EPHA6: variants seen among roughly 807,000 people sequenced by gnomAD.
EPHA6 encodes the protein EPH receptor A6, also known as ephrin type-A receptor 6.
Under a neutral mutation model 112.0 loss-of-function variants are expected in EPHA6, and 50 were observed. The observed-to-expected ratio is 0.45, with a 90% confidence interval of 0.36 to 0.56. The LOEUF (loss-of-function observed/expected upper bound fraction) is 0.56, where lower values mean the gene tolerates loss of function less well. EPHA6 is among the 20% of genes least tolerant of loss of function. The pLI, the probability that EPHA6 is intolerant of heterozygous loss-of-function variation, is 0.00. For synonymous variants in EPHA6, 529 were observed against 490.7 expected, an observed-to-expected ratio of 1.08 and a Z score of -1.03; for missense variants, 1,280 against 1,417.4, an observed-to-expected ratio of 0.90 and a Z score of 1.56.
At chr3:97,682,801 A>G (rs2031964093) in intron 14 of EPHA6, among the ~76,000 whole-genome samples, 1 of 152,178 alleles carries the variant, frequency 6.6e-6, no homozygotes, top group Non-Finnish European at 1.5e-5. Context: ...TTGATCTGTC[A>G]TCTGTATACT....
intron 14 of EPHA6, among the ~76,000 whole-genome samples, chr3:97,662,044 A>G (rs967823087): frequency 1.3e-5 from 2 of 152,162 alleles, no homozygotes; most frequent in African/African-American, 4.8e-5. Flanking sequence ...ACTATCTGAT[A>G]GGGCTTCCTT....
intron 11 of EPHA6, among the ~76,000 whole-genome samples, chr3:97,580,935 G>A (rs35482009): frequency 0.024 from 3,685 of 152,176 alleles, 72 homozygotes; most frequent in Non-Finnish European, 0.038. Context: ...ACTTTGCTTC[G>A]AGGCCATAGT....
chr3:97,187,684 A>G (rs60239351), intron 3 of EPHA6, among the ~76,000 whole-genome samples: 3,249 of 122,820 alleles, frequency 0.026, 35 homozygotes, highest in Middle Eastern at 0.046. Context: ...AGAGAAAGAA[A>G]GAAGGAAAGA....
At chr3:97,385,312 T>G (rs1341067496) in intron 5 of EPHA6, among the ~76,000 whole-genome samples, 3 of 152,182 alleles carry the variant, frequency 2.0e-5, no homozygotes, top group Admixed American at 2.0e-4. Context: ...CTCAATATAC[T>G]TATGAACCCA....
At chr3:97,436,263 T>C (rs926659592) in intron 6 of EPHA6, among the ~76,000 whole-genome samples, 12 of 152,146 alleles carry the variant, frequency 7.9e-5, no homozygotes, top group Non-Finnish European at 1.2e-4. Context: ...TTAAAATCTT[T>C]ATTTTGGGGA....
chr3:97,712,772 C>T (rs1183656608), intron 14 of EPHA6, among the ~76,000 whole-genome samples: 3 of 152,064 alleles, frequency 2.0e-5, no homozygotes, highest in Non-Finnish European at 4.4e-5. Context: ...TTGAATAGCA[C>T]GATAAGCAGT....
intron 3 of EPHA6, among the ~76,000 whole-genome samples, chr3:97,004,510 G>A (rs910466553): frequency 8.6e-5 from 13 of 152,032 alleles, no homozygotes; most frequent in Non-Finnish European, 1.3e-4. Context: ...TTGTAAATAT[G>A]TTTAAGTTCC....
intron 3 of EPHA6, among the ~76,000 whole-genome samples, chr3:97,030,701 G>C (rs1490813891): frequency 1.3e-5 from 2 of 151,850 alleles, no homozygotes; most frequent in African/African-American, 4.8e-5. Flanking sequence ...GTAAATGCAA[G>C]GAATTAATTA....
chr3:97,187,112 T>A (rs1309543462), intron 3 of EPHA6, among the ~76,000 whole-genome samples: 3 of 152,106 alleles, frequency 2.0e-5, no homozygotes, highest in Admixed American at 1.3e-4. Flanking sequence ...ACAACCAAAT[T>A]TTATTTCTCG....
chr3:97,131,095 GAGA>G (rs1225297821), intron 3 of EPHA6, among the ~76,000 whole-genome samples: 1 of 152,044 alleles, frequency 6.6e-6, no homozygotes, highest in African/African-American at 2.4e-5. Context: ...TGTCATAGCA[GAGA>G]AGAAAAAGAA....
At chr3:97,664,267 T>G (rs1340127424) in intron 14 of EPHA6, among the ~76,000 whole-genome samples, 1 of 152,228 alleles carries the variant, frequency 6.6e-6, no homozygotes, top group South Asian at 2.1e-4. Context: ...GGCAAAAATT[T>G]TCTCCCATTC....
chr3:96,849,553 A>G (rs1462251645), intron 1 of EPHA6, among the ~76,000 whole-genome samples: 1 of 152,084 alleles, frequency 6.6e-6, no homozygotes, highest in Non-Finnish European at 1.5e-5. Flanking sequence ...ATCCCTTCAA[A>G]ATGTCAAATC....
chr3:97,034,209 A>G (rs1035478328), intron 3 of EPHA6, among the ~76,000 whole-genome samples: 6 of 151,966 alleles, frequency 3.9e-5, no homozygotes, highest in Non-Finnish European at 5.9e-5. Context: ...GATAAAAATG[A>G]AAATATAGTA....
intron 5 of EPHA6, among the ~76,000 whole-genome samples, chr3:97,351,181 T>C (rs1476468665): frequency 6.6e-6 from 1 of 152,182 alleles, no homozygotes; most frequent in Non-Finnish European, 1.5e-5. Flanking sequence ...TTGAAAGATA[T>C]TAGTTGATAC....
At chr3:97,682,508 A>T (rs1235179272) in intron 14 of EPHA6, among the ~76,000 whole-genome samples, 1 of 152,168 alleles carries the variant, frequency 6.6e-6, no homozygotes, top group Non-Finnish European at 1.5e-5. Context: ...AATATCTATC[A>T]GGCCATACAA....
intron 3 of EPHA6, among the ~76,000 whole-genome samples, chr3:97,007,739 A>G (rs1490479443): frequency 6.6e-6 from 1 of 152,124 alleles, no homozygotes; most frequent in Non-Finnish European, 1.5e-5. Context: ...AGTGGCAGGT[A>G]CCAGTTTTTC....
At chr3:97,549,494 T>C (rs1387090687) in intron 11 of EPHA6, among the ~76,000 whole-genome samples, 1 of 152,186 alleles carries the variant, frequency 6.6e-6, no homozygotes, top group East Asian at 1.9e-4. Flanking sequence ...AAGGATCTGC[T>C]TCATTGGAGG....
intron 13 of EPHA6, among the ~76,000 whole-genome samples, chr3:97,627,847 G>T (rs2093871574): frequency 6.6e-6 from 1 of 151,864 alleles, no homozygotes; most frequent in Admixed American, 6.6e-5. Context: ...TCAAGTTCCA[G>T]GCTTTACCCC....
intron 6 of EPHA6, among the ~76,000 whole-genome samples, chr3:97,420,692 T>A (rs999453436): frequency 1.3e-5 from 2 of 152,040 alleles, no homozygotes; most frequent in Non-Finnish European, 2.9e-5. Context: ...TTTTCTGAAG[T>A]GTGTTCCATA....
Sources: allele counts gnomAD v4.1 joint callset (sites outside exome capture counted in the v4.1 genomes callset), GRCh38; gene constraint gnomAD v4.1.1; transcripts MANE v1.5; gene names NCBI Gene and HGNC (gene_info 2026-07-23, HGNC 2026-07-21).